Variants in RAB6A observed in about 807,000 individuals in gnomAD.
RAB6A encodes ras-related protein Rab-6A.
RAB6A carries 8 observed loss-of-function variants against 32.3 expected under a neutral mutation model. That is an observed-to-expected ratio of 0.25 (90% CI 0.15 to 0.45). The LOEUF (loss-of-function observed/expected upper bound fraction) is 0.45. Among genes scored for constraint, RAB6A ranks in the 20% least tolerant of loss-of-function variants. The pLI is 1.00. For missense variants in RAB6A, 104 were observed against 249.4 expected, an observed-to-expected ratio of 0.42 and a Z score of 3.93; for synonymous variants, 73 against 82.1, an observed-to-expected ratio of 0.89 and a Z score of 0.60.
intron 5 of RAB6A, among the ~76,000 whole-genome samples, chr11:73,712,114 C>T (rs999601926): frequency 1.1e-4 from 17 of 152,050 alleles, no homozygotes; most frequent in African/African-American, 3.9e-4. Context: ...TTATTTTGTG[C>T]CATAGCATTA....
At chr11:73,683,515 C>T (rs921987724) in intron 6 of RAB6A, among the ~76,000 whole-genome samples, 23 of 152,032 alleles carry the variant, frequency 1.5e-4, no homozygotes, top group Non-Finnish European at 2.2e-4. Context: ...ACCTCAGCCT[C>T]CCAAAGTGCT....
Position 73,760,624 on chromosome 11 carries a change from G to A in RAB6A, c.12C>T (p.Gly4=). MST[G]GDFGNPLRKF... is the part of the protein sequence containing the mutation. ...TCCTCAGCGGATTCCCGAAGTCTCCGCCCGTGGACATTGTGGAACTAGAGG... is the reference window on the plus strand; with the variant it reads ...TCCTCAGCGGATTCCCGAAGTCTCCACCCGTGGACATTGTGGAACTAGAGG... The change falls in exon 1 of 8, where the codon GGC becomes GGT. Residue 4 remains glycine, a synonymous_variant. Transcript: ENST00000336083. The A allele has an allele frequency of 6.2e-7, 1 of 1,610,656 alleles. No homozygotes were observed. The highest frequency in any genetic ancestry group is 8.5e-7 in the Non-Finnish European group (1 of 1,178,590).
intron 6 of RAB6A, among the ~76,000 whole-genome samples, chr11:73,698,297 G>C (rs1945685419): frequency 6.6e-6 from 1 of 152,104 alleles, no homozygotes; most frequent in Non-Finnish European, 1.5e-5. Context: ...ATTGGGGTGA[G>C]GTTAAATTTG....
intron 6 of RAB6A, among the ~76,000 whole-genome samples, chr11:73,692,502 CAAAAAAAAA>C (rs34201129): frequency 1.8e-5 from 1 of 56,436 alleles, no homozygotes; most frequent in East Asian, 5.2e-4. Context: ...GACTCTGTCT[CAAAAAAAAA>C]AAAAAAAAAA....
chr11:73,748,348 C>T (rs1310991655), intron 1 of RAB6A, among the ~76,000 whole-genome samples: 1 of 152,152 alleles, frequency 6.6e-6, no homozygotes, highest in Non-Finnish European at 1.5e-5. Flanking sequence ...AAGAATATTT[C>T]AATAAGGAGG....
At chr11:73,753,400 T>C (rs1946697635) in intron 1 of RAB6A, among the ~76,000 whole-genome samples, 1 of 151,704 alleles carries the variant, frequency 6.6e-6, no homozygotes. Context: ...TTTCACCATG[T>C]TGGCCAGGCT....
chr11:73,737,429 G>A (rs994910297), intron 1 of RAB6A, among the ~76,000 whole-genome samples: 1 of 151,526 alleles, frequency 6.6e-6, no homozygotes, highest in African/African-American at 2.4e-5. Context: ...GCTGCAGTGA[G>A]CTATGATCAC....
intron 1 of RAB6A, among the ~76,000 whole-genome samples, chr11:73,736,824 A>AAAAC (rs1555066487): frequency 4.1e-5 from 6 of 144,596 alleles, no homozygotes; most frequent in Admixed American, 1.4e-4. Context: ...AAAAAAAAAA[A>AAAAC]AACAATTAGC....
chr11:73,682,689 G>T (rs896695915), intron 6 of RAB6A, among the ~76,000 whole-genome samples: 3 of 152,074 alleles, frequency 2.0e-5, no homozygotes, highest in African/African-American at 7.2e-5. Context: ...ATTTGAGAAG[G>T]GTCTTGCTCT....
intron 5 of RAB6A, among the ~76,000 whole-genome samples, chr11:73,712,728 CTTT>C (rs57665830): frequency 3.5e-5 from 5 of 142,750 alleles, no homozygotes; most frequent in African/African-American, 1.3e-4. Context: ...ATTATAGAGG[CTTT>C]TTTTTTTTTT....
intron 1 of RAB6A, among the ~76,000 whole-genome samples, chr11:73,755,524 C>A (rs1565382751): frequency 6.6e-6 from 1 of 152,182 alleles, no homozygotes; most frequent in Non-Finnish European, 1.5e-5. Flanking sequence ...AACCCCTGAC[C>A]TCAGGTGATC....
At chr11:73,706,513 CAAA>C (rs11287642) in intron 6 of RAB6A, among the ~76,000 whole-genome samples, 2 of 140,706 alleles carry the variant, frequency 1.4e-5, no homozygotes. Flanking sequence ...GACTCCATCT[CAAA>C]AAAAAAAAAA....
intron 2 of RAB6A, chr11:73,722,306 T>TGTGC (rs1262732479): frequency 3.9e-5 from 1 of 25,368 alleles, no homozygotes; most frequent in African/African-American, 1.9e-4. Context: ...TGTGTGTGTG[T>TGTGC]ATATATATAT....
intron 6 of RAB6A, among the ~76,000 whole-genome samples, chr11:73,684,763 A>T (rs1231389640): frequency 8.6e-6 from 1 of 116,610 alleles, no homozygotes; most frequent in East Asian, 2.3e-4. Flanking sequence ...CACAGGGAAG[A>T]GTTTCCTGAA....
chr11:73,751,638 G>A (rs1459774251), intron 1 of RAB6A, among the ~76,000 whole-genome samples: 1 of 152,176 alleles, frequency 6.6e-6, no homozygotes, highest in African/African-American at 2.4e-5. Context: ...TAATGCTGCT[G>A]AGAAAGAAAA....
chr11:73,731,507 G>A (rs1946300328), intron 1 of RAB6A, among the ~76,000 whole-genome samples: 1 of 143,296 alleles, frequency 7.0e-6, no homozygotes, highest in South Asian at 2.2e-4. Context: ...TCACACCACT[G>A]TACTCCAGCC....
chr11:73,718,142 T>TAG (rs1302917956), intron 4 of RAB6A, among the ~76,000 whole-genome samples: 1 of 152,192 alleles, frequency 6.6e-6, no homozygotes, highest in Non-Finnish European at 1.5e-5. Context: ...TACATTATGT[T>TAG]TTCTCTGTCT....
intron 1 of RAB6A, among the ~76,000 whole-genome samples, chr11:73,741,621 T>C (rs767979937): frequency 1.4e-4 from 21 of 152,058 alleles, no homozygotes; most frequent in Non-Finnish European, 2.9e-4. Context: ...CTTCAGTAGG[T>C]GAATGGATAC....
chr11:73,694,506 TA>T (rs1201792935), intron 6 of RAB6A, among the ~76,000 whole-genome samples: 10 of 152,174 alleles, frequency 6.6e-5, no homozygotes, highest in Admixed American at 1.3e-4. Flanking sequence ...TAATCTTGGG[TA>T]AGAAGAATTT....
Sources: gnomAD v4.1 joint callset for allele counts (sites outside exome capture counted in the v4.1 genomes callset) on GRCh38, gnomAD v4.1.1 for gene constraint, MANE v1.5 for transcripts, NCBI Gene and HGNC (gene_info 2026-07-23, HGNC 2026-07-21) for gene names.